The following ADAMTS19 variants were observed in gnomAD, a reference collection of about 807,000 sequenced individuals.
ADAMTS19 encodes ADAM metallopeptidase with thrombospondin type 1 motif 19, also known as A disintegrin and metalloproteinase with thrombospondin motifs 19.
Under a neutral mutation model 153.3 loss-of-function variants are expected in ADAMTS19, and 93 were observed. That is an observed-to-expected ratio of 0.61 (90% CI 0.51 to 0.72). The LOEUF is 0.72. Ranked by LOEUF, ADAMTS19 falls within the 30% of genes least tolerant of loss-of-function variation. The pLI, the probability that ADAMTS19 is intolerant of heterozygous loss-of-function variation, is 0.00. For synonymous variants in ADAMTS19, 600 were observed against 556.6 expected, an observed-to-expected ratio of 1.08 and a Z score of -1.10; for missense variants, 1,482 against 1,552.1, an observed-to-expected ratio of 0.95 and a Z score of 0.76.
At chr5:129,720,164 A>ATT (rs1369530240) in intron 21 of ADAMTS19, among the ~76,000 whole-genome samples, 1 of 140,672 alleles carries the variant, frequency 7.1e-6, no homozygotes, top group Admixed American at 6.9e-5. Flanking sequence ...ATATATATAT[A>ATT]TATATATTTA....
chr5:129,575,469 C>T (rs1041856950), intron 7 of ADAMTS19, among the ~76,000 whole-genome samples: 7 of 152,018 alleles, frequency 4.6e-5, no homozygotes, highest in Admixed American at 4.6e-4. Context: ...AATCTTTTAA[C>T]TGTGATTCAT....
At chr5:129,536,310 A>T (rs549505400) in intron 6 of ADAMTS19, among the ~76,000 whole-genome samples, 14 of 152,316 alleles carry the variant, frequency 9.2e-5, no homozygotes, top group African/African-American at 3.4e-4. Context: ...CACATGAAAA[A>T]ATGCTCATCA....
intron 2 of ADAMTS19, among the ~76,000 whole-genome samples, chr5:129,465,829 T>C (rs1749836960): frequency 6.6e-6 from 1 of 152,208 alleles, no homozygotes; most frequent in Non-Finnish European, 1.5e-5. Flanking sequence ...AGAAAAGATA[T>C]TCTAAATAAA....
intron 10 of ADAMTS19, among the ~76,000 whole-genome samples, chr5:129,635,421 A>G (rs530572102): frequency 2.7e-4 from 41 of 152,332 alleles, no homozygotes; most frequent in African/African-American, 9.9e-4. Context: ...ACCCAAAGGA[A>G]TATCAGTTAT....
rs1363360676 is a variant in ADAMTS19 at position 129,737,680 on chromosome 5, A to G, written c.*462A>G. ...GCCCATTTTCTGTCACCTGCAGGAG[A>G]TGTGTAAACATAATGAACCTCATGC... On this transcript the variant is annotated 3_prime_UTR_variant, in exon 23 of 23. Transcript: ENST00000274487. 1 of 152,562 alleles carries G rather than the reference A, an allele frequency of 6.6e-6. No individual in the cohort carries two copies. The highest frequency in any genetic ancestry group is 1.9e-4 in the East Asian group (1 of 5,178). The allele number at this position is 152,562 out of a possible 1,614,324, so 9.5% of individuals were successfully genotyped here.
chr5:129,544,374 A>G (rs1264946182), intron 6 of ADAMTS19, among the ~76,000 whole-genome samples: 1 of 152,190 alleles, frequency 6.6e-6, no homozygotes, highest in East Asian at 1.9e-4. Context: ...AAAATGTAAT[A>G]ATAAAAAAGG....
At chr5:129,695,052 G>T (rs1287514980) in intron 19 of ADAMTS19, among the ~76,000 whole-genome samples, 197 bp downstream of exon 19, 4 of 152,108 alleles carry the variant, frequency 2.6e-5, no homozygotes, top group South Asian at 2.1e-4. Context: ...TAAGGAAGGG[G>T]TATTGGGAGG....
intron 11 of ADAMTS19, among the ~76,000 whole-genome samples, chr5:129,644,270 T>C (rs1307400364): frequency 6.6e-6 from 1 of 152,236 alleles, no homozygotes; most frequent in African/African-American, 2.4e-5. Flanking sequence ...TCTTCAAATA[T>C]TCATCTGTTT....
intron 8 of ADAMTS19, among the ~76,000 whole-genome samples, chr5:129,597,080 G>A (rs895063025): frequency 6.6e-6 from 1 of 152,096 alleles, no homozygotes; most frequent in South Asian, 2.1e-4. Context: ...AACCCGCATG[G>A]TTTAGATATA....
intron 2 of ADAMTS19, among the ~76,000 whole-genome samples, chr5:129,476,082 C>T (rs921776769): frequency 5.3e-5 from 8 of 151,836 alleles, no homozygotes; most frequent in South Asian, 2.1e-4. Context: ...TTTTTGAATA[C>T]GCTGTTTATT....
Position 129,461,045 on chromosome 5 carries a change from T to C in ADAMTS19, c.92-57T>C. 1 of 1,294,126 alleles carries C rather than the reference T, an allele frequency of 7.7e-7. No homozygotes were observed. Among genetic ancestry groups the C allele is most frequent in the South Asian group, 2.4e-5 (1 of 41,670 alleles). 80.2% of individuals were successfully genotyped at this position (1,294,126 alleles called of 1,614,324 possible). Reference sequence around the variant, plus strand: ...TATGGACTGTGAGCTTGGAAATGTTTGTGCTACTGGAACCGCGGCACTTTA... The same window carrying C: ...TATGGACTGTGAGCTTGGAAATGTTCGTGCTACTGGAACCGCGGCACTTTA... On this transcript the variant is annotated intron_variant, in intron 1 of 22. Coordinates refer to ENST00000274487, the MANE Select transcript of ADAMTS19 (RefSeq NM_133638.6). This position sits in a 1 kb window ranked among gnomAD's most constrained non-coding sequence, Gnocchi z 4.6.
chr5:129,548,619 G>A (rs367960229), intron 6 of ADAMTS19, among the ~76,000 whole-genome samples: 3,614 of 151,616 alleles, frequency 0.024, 114 homozygotes, highest in African/African-American at 0.078. Context: ...TCAGTGTGGC[G>A]ATTCCTCAGG....
intron 8 of ADAMTS19, among the ~76,000 whole-genome samples, chr5:129,613,924 T>C (rs1027327415): frequency 1.3e-5 from 2 of 152,054 alleles, no homozygotes; most frequent in Non-Finnish European, 2.9e-5. Context: ...ACAAATAAAC[T>C]AGAACATCTA....
intron 6 of ADAMTS19, among the ~76,000 whole-genome samples, chr5:129,533,071 C>A (rs576042083): frequency 6.6e-6 from 1 of 152,052 alleles, no homozygotes; most frequent in African/African-American, 2.4e-5. Context: ...CCACTGCAAT[C>A]CAGCCTGGGC....
intron 2 of ADAMTS19, among the ~76,000 whole-genome samples, chr5:129,506,863 T>G (rs1467969332): frequency 6.6e-6 from 1 of 151,882 alleles, no homozygotes; most frequent in East Asian, 1.9e-4. Context: ...TCCTTCTAAC[T>G]TATTAGTTAG....
At chr5:129,489,246 CT>C (rs1350871786) in intron 2 of ADAMTS19, among the ~76,000 whole-genome samples, 1 of 152,036 alleles carries the variant, frequency 6.6e-6, no homozygotes, top group Non-Finnish European at 1.5e-5. Flanking sequence ...TTGATGAGAA[CT>C]TTTTATAGAT....
intron 3 of ADAMTS19, among the ~76,000 whole-genome samples, chr5:129,522,572 G>A (rs1222361650): frequency 6.6e-6 from 1 of 151,554 alleles, no homozygotes; most frequent in Non-Finnish European, 1.5e-5. Context: ...TGATATTTGA[G>A]TAAAACTGGA....
chr5:129,683,996 A>C, intron 17 of ADAMTS19, 124 bp from the exon 18 acceptor site: 2 of 1,016,220 alleles, frequency 2.0e-6, no homozygotes, highest in Non-Finnish European at 2.8e-6. Flanking sequence ...CACAACAGCA[A>C]CAACAACAAC....
chr5:129,638,013 G>T (rs1462038679), intron 10 of ADAMTS19, among the ~76,000 whole-genome samples: 1 of 152,060 alleles, frequency 6.6e-6, no homozygotes, highest in African/African-American at 2.4e-5. Context: ...GTAATGATTG[G>T]GTACTGGGCT....
Sources: gnomAD v4.1 joint callset for allele counts (sites outside exome capture counted in the v4.1 genomes callset) on GRCh38, gnomAD v4.1.1 for gene constraint, Gnocchi (gnomAD v3.1) non-coding constraint, MANE v1.5 for transcripts, NCBI Gene and HGNC (gene_info 2026-07-23, HGNC 2026-07-21) for gene names.